UBR3: variants seen among roughly 807,000 people sequenced by gnomAD.
UBR3 encodes the protein E3 ubiquitin-protein ligase UBR3.
In UBR3, 85 loss-of-function variants were observed where a neutral mutation model predicts 243.2. That is an observed-to-expected ratio of 0.35 (90% CI 0.29 to 0.42). UBR3 has a LOEUF of 0.42. Ranked by LOEUF, UBR3 falls within the 10% of genes least tolerant of loss-of-function variation. The pLI is 1.00. For synonymous variants in UBR3, 748 were observed against 799.8 expected, an observed-to-expected ratio of 0.94 and a Z score of 1.09; for missense variants, 1,686 against 2,300.8, an observed-to-expected ratio of 0.73 and a Z score of 5.47.
intron 1 of UBR3, among the ~76,000 whole-genome samples, chr2:169,841,653 G>C (rs1310295140): frequency 6.6e-6 from 1 of 152,224 alleles, no homozygotes; most frequent in Non-Finnish European, 1.5e-5. Flanking sequence ...GCTGGCCCCG[G>C]GCAATGGGGG....
intron 33 of UBR3, 30 bp from the exon 34 acceptor site, chr2:170,061,049 C>A (rs779777091): frequency 7.3e-7 from 1 of 1,365,552 alleles, no homozygotes; most frequent in Non-Finnish European, 9.9e-7. Context: ...TTTTCAGTGA[C>A]CAGTGTAACC....
At chr2:169,856,201 C>T (rs1315464668) in intron 1 of UBR3, among the ~76,000 whole-genome samples, 3 of 151,324 alleles carry the variant, frequency 2.0e-5, no homozygotes, top group Non-Finnish European at 4.4e-5. Context: ...GACGGGGTCG[C>T]GGCCGGGCAG....
At chr2:170,072,590 A>C (rs1040330468) in intron 35 of UBR3, among the ~76,000 whole-genome samples, 4 of 152,134 alleles carry the variant, frequency 2.6e-5, no homozygotes, top group Non-Finnish European at 5.9e-5. Flanking sequence ...AAATTTAAAA[A>C]AAGTAATAGG....
At chr2:169,841,892 C>T (rs1037641196) in intron 1 of UBR3, among the ~76,000 whole-genome samples, 13 of 152,350 alleles carry the variant, frequency 8.5e-5, no homozygotes, top group East Asian at 1.9e-4. Flanking sequence ...CCAGTCCCGT[C>T]GACCACCCAA....
intron 32 of UBR3, among the ~76,000 whole-genome samples, chr2:170,046,307 A>T (rs1286336058): frequency 6.6e-6 from 1 of 152,146 alleles, no homozygotes; most frequent in Non-Finnish European, 1.5e-5. Flanking sequence ...TTGGCTTAGG[A>T]TCCAAAAAAG....
At chr2:169,949,465 T>G (rs888826348) in intron 22 of UBR3, 140 bp from the exon 23 acceptor site, 15 of 796,414 alleles carry the variant, frequency 1.9e-5, no homozygotes, top group South Asian at 4.4e-5. Flanking sequence ...AGGGAGAAAT[T>G]TATTTAAAGA....
chr2:169,901,173 C>T (rs1030114507), intron 8 of UBR3, among the ~76,000 whole-genome samples: 2 of 152,062 alleles, frequency 1.3e-5, no homozygotes, highest in African/African-American at 4.8e-5. Flanking sequence ...ACACTTTTCC[C>T]ATATTTTTCT....
At chr2:169,926,337 C>T (rs2085907656) in intron 14 of UBR3, among the ~76,000 whole-genome samples, 1 of 152,196 alleles carries the variant, frequency 6.6e-6, no homozygotes, top group Non-Finnish European at 1.5e-5. Flanking sequence ...CCTGTTATCC[C>T]AGCACTCTGG....
intron 11 of UBR3, among the ~76,000 whole-genome samples, chr2:169,918,653 TCAAA>T (rs1021406520): frequency 6.6e-5 from 10 of 152,180 alleles, no homozygotes; most frequent in African/African-American, 2.4e-4. Context: ...GTAAGCCAGA[TCAAA>T]CAATCATATA....
chr2:169,948,495 AAG>A (rs1262162868), intron 22 of UBR3, among the ~76,000 whole-genome samples: 18 of 152,200 alleles, frequency 1.2e-4, no homozygotes, highest in African/African-American at 3.4e-4. Context: ...ATGACATTGT[AAG>A]TAAGTAAACT....
chr2:169,965,217 C>T (rs2087751908), intron 24 of UBR3, among the ~76,000 whole-genome samples: 1 of 152,142 alleles, frequency 6.6e-6, no homozygotes, highest in African/African-American at 2.4e-5. Flanking sequence ...GTATTATTAA[C>T]ACACGAAGCA....
chr2:169,875,968 G>T lies in UBR3; in HGVS notation c.844+19G>T, dbSNP rs1186923135. ...ACTTCTGGTGAGTAAAATGTTAGAAGAAATTTATAGTTTTCATATCTTACT... is the reference window on the plus strand; with the variant it reads ...ACTTCTGGTGAGTAAAATGTTAGAATAAATTTATAGTTTTCATATCTTACT... On this transcript the variant is annotated intron_variant, in intron 3 of 38. Coordinates refer to ENST00000272793, the MANE Select transcript of UBR3 (RefSeq NM_172070.4). 4.8e-6 allele frequency: 7 copies of T among 1,457,842 alleles called. 1 individual carries two copies. In the South Asian group the frequency reaches 1.0e-4, roughly 22 times the overall value. The allele number at this position is 1,457,842 out of a possible 1,614,324, so 90.3% of individuals were successfully genotyped here.
At chr2:169,953,609 G>A (rs1039797635) in intron 23 of UBR3, among the ~76,000 whole-genome samples, 20 of 152,104 alleles carry the variant, frequency 1.3e-4, no homozygotes, top group Non-Finnish European at 1.3e-4. Flanking sequence ...CAATAATCTC[G>A]ATTAAGAAAA....
At chr2:169,928,597 G>T (rs1574222606) in intron 17 of UBR3, 130 bp from the exon 18 acceptor site, 2 of 601,466 alleles carry the variant, frequency 3.3e-6, no homozygotes, top group East Asian at 5.7e-5. Flanking sequence ...TAGCCCTCTT[G>T]TGGCCAGCTT....
chr2:170,030,844 CTATA>C (rs1167009906), intron 31 of UBR3, among the ~76,000 whole-genome samples: 1 of 151,982 alleles, frequency 6.6e-6, no homozygotes, highest in South Asian at 2.1e-4. Flanking sequence ...GAAGTAAAAA[CTATA>C]TAACAAAATA....
At chr2:170,017,536 C>CACAG (rs1453174593) in intron 30 of UBR3, among the ~76,000 whole-genome samples, 12 of 43,832 alleles carry the variant, frequency 2.7e-4, no homozygotes, top group African/African-American at 9.1e-4. Flanking sequence ...CACACACACA[C>CACAG]ACACACACAG....
intron 24 of UBR3, among the ~76,000 whole-genome samples, chr2:169,971,571 A>G (rs1047198691): frequency 6.6e-6 from 1 of 151,996 alleles, no homozygotes; most frequent in Admixed American, 6.6e-5. Context: ...AGCACCATTT[A>G]TTAAATAGGG....
Position 170,027,521 on chromosome 2 carries a change from C to T in UBR3, c.4454-1825C>T, listed in dbSNP as rs376839563. ...TGCTGGCTGTGGTTTCAATGCAAAACAGGTTAGTACAATTGCAGCTTCTAT... is the reference window on the plus strand; with the variant it reads ...TGCTGGCTGTGGTTTCAATGCAAAATAGGTTAGTACAATTGCAGCTTCTAT... On this transcript the variant is annotated intron_variant, in intron 30 of 38. Transcript: ENST00000272793. Among the ~76,000 whole-genome samples, 31 of 151,714 alleles carry T rather than the reference C, an allele frequency of 2.0e-4. No homozygotes were observed. In the South Asian group the frequency reaches 6.4e-3, roughly 32 times the overall value.
chr2:169,959,738 G>A (rs2087477495), intron 24 of UBR3, among the ~76,000 whole-genome samples: 1 of 152,136 alleles, frequency 6.6e-6, no homozygotes, highest in Non-Finnish European at 1.5e-5. Flanking sequence ...AACCAGAGAA[G>A]CTGAAAGTAC....
Sources: allele counts gnomAD v4.1 joint callset (sites outside exome capture counted in the v4.1 genomes callset), GRCh38; gene constraint gnomAD v4.1.1; transcripts MANE v1.5; gene names NCBI Gene and HGNC (gene_info 2026-07-23, HGNC 2026-07-21).